Variants in BOC observed in about 807,000 individuals in gnomAD.
BOC encodes brother of CDO.
Under a neutral mutation model 112.0 loss-of-function variants are expected in BOC, and 76 were observed. The observed-to-expected ratio is 0.68, with a 90% CI of 0.56 to 0.82. The LOEUF (loss-of-function observed/expected upper bound fraction) is 0.82, where lower values mean the gene tolerates loss of function less well. Among genes scored for constraint, BOC ranks in the 40% least tolerant of loss-of-function variants. BOC has a pLI of 0.00. For synonymous variants in BOC, 580 were observed against 599.8 expected (o/e 0.97, Z 0.48); for missense variants, 1,309 against 1,511.7 (o/e 0.87, Z 2.22).
rs747419529 is a variant in BOC, at chr3:113,273,145, G to A, written c.1038G>A (p.Val346=). The part of the protein sequence containing the change: ...WGQSAKLTCE[V]RGNPPPSVLW... ...AGAGTGCCAAGCTTACCTGTGAGGT[G>A]CGTGGGAACCCCCCGCCCTCCGTGC... Residue 346 remains valine, a synonymous_variant, in exon 8 of 20, where the codon GTG becomes GTA. Coordinates refer to ENST00000682979, the MANE Select transcript of BOC (RefSeq NM_001378074.1). The A allele has an allele frequency of 1.2e-6, 2 of 1,613,986 alleles. No individual in the cohort carries two copies. Among genetic ancestry groups the A allele is most frequent in the South Asian group, 1.1e-5 (1 of 91,072 alleles).
At position 113,250,843 on chromosome 3, in the gene BOC, C is replaced by T. The variant is rs1251928613; in HGVS notation, c.376+10C>T. On this transcript the variant is annotated intron_variant, in intron 4 of 19. Transcript: ENST00000682979. ...ACTGTGACACTAGCCAGTGAGTCTGCTCCTTTGCCTCCCTGCCATGGTGCG... is the reference window on the plus strand; with the variant it reads ...ACTGTGACACTAGCCAGTGAGTCTGTTCCTTTGCCTCCCTGCCATGGTGCG... 2.5e-6 allele frequency: 4 copies of T among 1,612,478 alleles called. No homozygotes were observed. Among genetic ancestry groups the T allele is most frequent in the Non-Finnish European group, 2.5e-6 (3 of 1,179,990 alleles).
At chr3:113,252,796 T>G (rs1012474332) in intron 4 of BOC, among the ~76,000 whole-genome samples, 8 of 152,088 alleles carry the variant, frequency 5.3e-5, no homozygotes, top group African/African-American at 1.9e-4. Context: ...GGGTCACCCA[T>G]GGAATCTGAG....
At chr3:113,271,799 CT>C (rs1396467389) in intron 6 of BOC, 1 of 164,292 alleles carries the variant, frequency 6.1e-6, no homozygotes, top group Non-Finnish European at 1.3e-5. Context: ...AGTGAGTTCT[CT>C]GCAGTTTGTC....
chr3:113,227,678 G>A (rs1941890054), intron 2 of BOC, among the ~76,000 whole-genome samples: 2 of 152,174 alleles, frequency 1.3e-5, no homozygotes, highest in African/African-American at 2.4e-5. Flanking sequence ...GCACCTTGGT[G>A]CAGGATTGGG....
chr3:113,284,079 G>A lies in BOC; in HGVS notation c.2657-256G>A, dbSNP rs184012023. ...AATATTGTTCTTCTTTTCACTCACC[G>A]CCTCCTGCCCCCAAGCCCTGGACCC... On this transcript the variant is annotated intron_variant, in intron 16 of 19. Transcript: ENST00000682979. Among the ~76,000 whole-genome samples the A allele has an allele frequency of 1.2e-3, 175 of 151,918 alleles. 1 individual carries two copies. Among genetic ancestry groups the A allele is most frequent in the South Asian group, 5.2e-3 (25 of 4,786 alleles).
At chr3:113,223,683 C>G (rs1559803890) in intron 2 of BOC, among the ~76,000 whole-genome samples, 1 of 152,140 alleles carries the variant, frequency 6.6e-6, no homozygotes. Context: ...TCCTGAATGT[C>G]ATGCGGTTGG....
intron 14 of BOC, 92 bp from the exon 15 acceptor site, chr3:113,280,939 A>G (rs1391584589): frequency 1.9e-6 from 3 of 1,541,688 alleles, no homozygotes; most frequent in Admixed American, 1.7e-5. Context: ...ATCCTCCCCC[A>G]CACACTGCCC....
chr3:113,249,227 C>G (rs1204040073), intron 2 of BOC, among the ~76,000 whole-genome samples: 2 of 152,192 alleles, frequency 1.3e-5, no homozygotes, highest in Non-Finnish European at 2.9e-5. Context: ...GCATTCCCTG[C>G]AAGGGCGTTC....
At chr3:113,276,028 A>G (rs2107687196) in intron 9 of BOC, among the ~76,000 whole-genome samples, 1 of 152,306 alleles carries the variant, frequency 6.6e-6, no homozygotes, top group Middle Eastern at 3.4e-3. Flanking sequence ...AAGCGGGTGA[A>G]TGAGTTTTTA....
At chr3:113,236,856 T>C (rs565067646) in intron 2 of BOC, among the ~76,000 whole-genome samples, 2 of 152,330 alleles carry the variant, frequency 1.3e-5, no homozygotes, top group South Asian at 4.1e-4. Context: ...ACTCCCGAAT[T>C]ACTGCATGAT....
chr3:113,232,335 G>C (rs1465108700), intron 2 of BOC, among the ~76,000 whole-genome samples: 1 of 152,220 alleles, frequency 6.6e-6, no homozygotes, highest in East Asian at 1.9e-4. Context: ...ACTGCAGCAT[G>C]CTTCAGATTT....
intron 11 of BOC, 50 bp from the exon 12 acceptor site, chr3:113,279,199 T>A: frequency 4.4e-6 from 7 of 1,577,704 alleles, no homozygotes; most frequent in Non-Finnish European, 6.1e-6. Context: ...GCTTCCTTCC[T>A]CACGTCATCT....
chr3:113,268,643 G>C (rs1947782943), intron 5 of BOC, among the ~76,000 whole-genome samples, 198 bp downstream of exon 5: 1 of 152,104 alleles, frequency 6.6e-6, no homozygotes, highest in East Asian at 1.9e-4. Flanking sequence ...ATCTTGTTCT[G>C]TCACCCAAGC....
intron 2 of BOC, among the ~76,000 whole-genome samples, chr3:113,235,682 C>T (rs993797645): frequency 1.8e-4 from 28 of 152,200 alleles, no homozygotes; most frequent in African/African-American, 6.3e-4. Context: ...TTAGGAACTA[C>T]ATCTTGCCAC....
Position 113,274,176 on chromosome 3 carries a change from C to T in BOC, c.1235-199C>T, listed in dbSNP as rs1452740170. 6.6e-6 allele frequency among the ~76,000 whole-genome samples: 1 copy of T among 152,196 alleles called. No homozygotes were observed. Among genetic ancestry groups the T allele is most frequent in the Admixed American group, 6.6e-5 (1 of 15,262 alleles). ...AGCCCTGGCCAGGCAGGCCAGCCTG[C>T]CTTTTCCTTCTGGCAGGACAGGGAC... is the stretch of plus-strand genomic sequence containing the variant. On this transcript the variant is annotated intron_variant, in intron 8 of 19. Transcript: ENST00000682979. The surrounding 1 kb of genome is among the most constrained non-coding windows in gnomAD (Gnocchi z 4.8).
intron 2 of BOC, among the ~76,000 whole-genome samples, chr3:113,247,500 G>GAAAAAAAAAAAAA (rs58781225): frequency 7.9e-6 from 1 of 125,802 alleles, no homozygotes; most frequent in Non-Finnish European, 1.6e-5. Flanking sequence ...GCCCTGATAG[G>GAAAAAAAAAAAAA]AAAAAAAAAA....
At chr3:113,217,070 A>G (rs915476634) in intron 2 of BOC, among the ~76,000 whole-genome samples, 1 of 152,196 alleles carries the variant, frequency 6.6e-6, no homozygotes, top group Non-Finnish European at 1.5e-5. Context: ...CCTTTCAACA[A>G]TGCTTGCTGT....
chr3:113,264,929 G>A (rs1947303885), intron 4 of BOC, among the ~76,000 whole-genome samples: 2 of 152,200 alleles, frequency 1.3e-5, no homozygotes, highest in South Asian at 4.1e-4. Context: ...GGAGCTGGAT[G>A]TCCAGCTGGG....
intron 7 of BOC, among the ~76,000 whole-genome samples, 179 bp downstream of exon 7, chr3:113,272,882 C>A (rs1333929706): frequency 6.6e-6 from 1 of 151,920 alleles, no homozygotes; most frequent in Non-Finnish European, 1.5e-5. Flanking sequence ...AGCACGCAGT[C>A]CTGGAGCCCT....
Sources: allele counts gnomAD v4.1 joint callset (sites outside exome capture counted in the v4.1 genomes callset), GRCh38; gene constraint gnomAD v4.1.1; non-coding constraint Gnocchi (gnomAD v3.1); transcripts MANE v1.5; gene names NCBI Gene and HGNC (gene_info 2026-07-23, HGNC 2026-07-21).